Variants in SMURF2 observed in about 807,000 individuals in gnomAD.
SMURF2 encodes E3 ubiquitin-protein ligase SMURF2.
Under a neutral mutation model 109.6 loss-of-function variants are expected in SMURF2, and 48 were observed. The ratio of observed to expected loss-of-function variants is 0.44; its 90% confidence interval spans 0.35 to 0.56. The LOEUF (loss-of-function observed/expected upper bound fraction) is 0.56. Ranked by LOEUF, SMURF2 falls within the 20% of genes least tolerant of loss-of-function variation. The pLI is 0.01. For synonymous variants in SMURF2, 288 were observed against 317.1 expected (o/e 0.91, Z 0.97); for missense variants, 575 against 909.0 (o/e 0.63, Z 4.72).
chr17:64,637,993 C>CTATTCTATT (rs1970442902), intron 1 of SMURF2, among the ~76,000 whole-genome samples: 1 of 146,906 alleles, frequency 6.8e-6, no homozygotes, highest in Admixed American at 6.8e-5. Flanking sequence ...CTATTCTATT[C>CTATTCTATT]CATTGATCTA....
chr17:64,579,339 A>C lies in SMURF2; in HGVS notation c.773-763T>G, dbSNP rs13342140. ...ACTTTTCTTTAGACAAAATCCAGTG[A>C]GAAACTTCAATACATAAAAAACTAT... On this transcript the variant is annotated intron_variant, in intron 8 of 18. Transcript: ENST00000262435. 8.4e-3 allele frequency among the ~76,000 whole-genome samples: 1,280 copies of C among 152,078 alleles called. 19 individuals are homozygous for C. The highest frequency in any genetic ancestry group is 0.029 in the African/African-American group (1,211 of 41,518).
At chr17:64,600,281 T>G (rs1192717324) in intron 2 of SMURF2, among the ~76,000 whole-genome samples, 13 of 152,172 alleles carry the variant, frequency 8.5e-5, no homozygotes, top group African/African-American at 2.9e-4. Flanking sequence ...CAATACAGTT[T>G]TCAGCCCAAA....
rs564137780 is a variant in SMURF2 at position 64,598,283 on chromosome 17, C to T, written c.200+99G>A. On this transcript the variant is annotated intron_variant, in intron 3 of 18. Coordinates refer to ENST00000262435, the MANE Select transcript of SMURF2 (RefSeq NM_022739.4). The stretch of plus-strand genomic sequence containing the variant: ...CCCCTTTTGTGATGACCAAATTATA[C>T]CACAGATGAAACCCAGATCATTTCC... 1,339 of 1,069,402 alleles carry T rather than the reference C, an allele frequency of 1.3e-3. 5 individuals are homozygous for T. Among genetic ancestry groups the T allele is most frequent in the Non-Finnish European group, 1.3e-3 (976 of 763,476 alleles). The allele number at this position is 1,069,402 out of a possible 1,614,324, so 66.2% of individuals were successfully genotyped here. A position where few individuals can be genotyped will look rare whatever the true frequency, so the allele number is the denominator to read the frequency against.
rs1968913467 is a variant in SMURF2 at position 64,544,207 on chromosome 17, T to A, written c.*1641A>T. ...CTGTTCTGGGTAAAGGGGGTGGGGA[T>A]ATGGAGCCTAAGGCCCCTGCTCAAA... On this transcript the variant is annotated 3_prime_UTR_variant, in exon 19 of 19. Transcript: ENST00000262435. 1 of 152,048 alleles carries A rather than the reference T, an allele frequency of 6.6e-6. No homozygotes were observed. The highest frequency in any genetic ancestry group is 2.1e-4 in the South Asian group (1 of 4,828). 9.4% of individuals were successfully genotyped at this position (152,048 alleles called of 1,614,324 possible).
rs138287240 is a variant in SMURF2 at position 64,543,982 on chromosome 17, G to C, written c.*1866C>G. The C allele has an allele frequency of 3.3e-5, 5 of 152,312 alleles. No homozygotes were observed. Among genetic ancestry groups the C allele is most frequent in the African/African-American group, 1.2e-4 (5 of 41,564 alleles). The allele number at this position is 152,312 out of a possible 1,614,324, so 9.4% of individuals were successfully genotyped here. On this transcript the variant is annotated 3_prime_UTR_variant, in exon 19 of 19. Coordinates refer to ENST00000262435, the MANE Select transcript of SMURF2 (RefSeq NM_022739.4). ...GGCATAAGCATATTACCACTGCACA[G>C]TTACAACTATGACTAGCTTGCTTGT... is the stretch of plus-strand genomic sequence containing the variant.
chr17:64,556,694 T>C (rs1555684071), intron 13 of SMURF2, among the ~76,000 whole-genome samples: 2 of 152,152 alleles, frequency 1.3e-5, no homozygotes, highest in African/African-American at 4.8e-5. Flanking sequence ...CTCAAAATCC[T>C]CCCTAAATAA....
chr17:64,618,681 C>T (rs1970157761), intron 1 of SMURF2, among the ~76,000 whole-genome samples: 1 of 152,172 alleles, frequency 6.6e-6, no homozygotes, highest in African/African-American at 2.4e-5. Flanking sequence ...ACACAATTTA[C>T]TTTCTTCATA....
chr17:64,571,665 T>G (rs1239324703), intron 10 of SMURF2, 133 bp downstream of exon 10: 1 of 892,826 alleles, frequency 1.1e-6, no homozygotes, highest in Non-Finnish European at 1.7e-6. Flanking sequence ...GTGATCCTGC[T>G]GCCACGGCCT....
At chr17:64,574,794 T>C (rs984949605) in intron 9 of SMURF2, among the ~76,000 whole-genome samples, 14 of 152,332 alleles carry the variant, frequency 9.2e-5, no homozygotes, top group African/African-American at 3.1e-4. Flanking sequence ...AACTGACATG[T>C]TTCCTCTGGA....
intron 1 of SMURF2, among the ~76,000 whole-genome samples, chr17:64,645,435 C>T (rs1449739843): frequency 6.6e-6 from 1 of 152,056 alleles, no homozygotes; most frequent in Non-Finnish European, 1.5e-5. Context: ...CAGCTGTAGT[C>T]CCAGCTTCTC....
At chr17:64,558,246 A>T (rs1969153175) in intron 12 of SMURF2, among the ~76,000 whole-genome samples, 1 of 152,124 alleles carries the variant, frequency 6.6e-6, no homozygotes, top group African/African-American at 2.4e-5. Flanking sequence ...CAAAAAATAC[A>T]AAAATTAGCC....
At chr17:64,556,133 G>T in intron 13 of SMURF2, 135 bp from the exon 14 acceptor site, 1 of 605,054 alleles carries the variant, frequency 1.7e-6, no homozygotes. Flanking sequence ...TCAGGAGGGA[G>T]TATTTCTCTA....
chr17:64,602,458 A>G (rs1969910926), intron 2 of SMURF2, among the ~76,000 whole-genome samples: 1 of 152,210 alleles, frequency 6.6e-6, no homozygotes, highest in Non-Finnish European at 1.5e-5. Context: ...CAAAAACACC[A>G]GTTCAATACC....
rs1329499394 is a variant in SMURF2, at chr17:64,544,623, G to C, written c.*1225C>G. The C allele has an allele frequency of 2.6e-5, 4 of 152,090 alleles. No individual in the cohort carries two copies. Among genetic ancestry groups the C allele is most frequent in the South Asian group, 2.1e-4 (1 of 4,836 alleles). The allele number at this position is 152,090 out of a possible 1,614,324, so 9.4% of individuals were successfully genotyped here. A position where few individuals can be genotyped will look rare whatever the true frequency, so the allele number is the denominator to read the frequency against. On this transcript the variant is annotated 3_prime_UTR_variant, in exon 19 of 19. Transcript: ENST00000262435. The stretch of plus-strand genomic sequence containing the variant: ...CAGATGCAGATCTTCAACACCAAGG[G>C]AAGCGGGATTCCCTTACTTCCAAAA...
intron 10 of SMURF2, among the ~76,000 whole-genome samples, chr17:64,566,561 G>GTTTTTT (rs1164717270): frequency 0.052 from 2,257 of 43,692 alleles, 640 homozygotes; most frequent in African/African-American, 0.056. Context: ...AAGCTTTCTG[G>GTTTTTT]TTTTTTTTTT....
chr17:64,558,365 C>A (rs1364136856), intron 12 of SMURF2, among the ~76,000 whole-genome samples: 4 of 151,914 alleles, frequency 2.6e-5, no homozygotes, highest in African/African-American at 9.7e-5. Flanking sequence ...CACCACTGCA[C>A]CCCAGGCTGG....
At chr17:64,561,671 T>C in intron 11 of SMURF2, 68 bp from the exon 12 acceptor site, 1 of 1,199,184 alleles carries the variant, frequency 8.3e-7, no homozygotes, top group Non-Finnish European at 1.2e-6. Context: ...AATCTCTCCC[T>C]GCCAATCCAT....
chr17:64,593,462 G>A lies in SMURF2; in HGVS notation c.312C>T (p.Ile104=). ...LGCVRLLSNA[I]NRLKDTGYQR... ...CACAACCAGTGTCTTTGAGGCGGTT[G>A]ATGGCATTGGAAAGAAGACGAACAC... The change falls in exon 4 of 19, where the codon ATC becomes ATT. Residue 104 remains isoleucine, a synonymous_variant. Coordinates refer to ENST00000262435, the MANE Select transcript of SMURF2 (RefSeq NM_022739.4). 2 of 1,609,316 alleles carry A rather than the reference G, an allele frequency of 1.2e-6. No homozygotes were observed. The highest frequency in any genetic ancestry group is 1.7e-6 in the Non-Finnish European group (2 of 1,178,354).
intron 1 of SMURF2, among the ~76,000 whole-genome samples, chr17:64,649,975 T>C (rs927721847): frequency 1.1e-4 from 17 of 152,182 alleles, no homozygotes; most frequent in African/African-American, 4.1e-4. Context: ...TAGCTAGGAT[T>C]TCAATCCAAA....
Sources: gnomAD v4.1 joint callset for allele counts (sites outside exome capture counted in the v4.1 genomes callset) on GRCh38, gnomAD v4.1.1 for gene constraint, MANE v1.5 for transcripts, NCBI Gene and HGNC (gene_info 2026-07-23, HGNC 2026-07-21) for gene names.